Variants in FAM135B observed in about 807,000 individuals in gnomAD.
The protein encoded by FAM135B is protein FAM135B.
A neutral mutation model predicts 127.7 loss-of-function variants in FAM135B; 43 were observed. The observed-to-expected ratio is 0.34, with a 90% confidence interval of 0.26 to 0.43. The LOEUF (loss-of-function observed/expected upper bound fraction) is 0.43. FAM135B is among the 20% of genes least tolerant of loss of function. The pLI is 1.00. For missense variants in FAM135B, 1,558 were observed against 1,725.6 expected (o/e 0.90, Z 1.72); for synonymous variants, 670 against 665.1 (o/e 1.01, Z -0.11).
At chr8:138,420,853 A>G (rs1208939895) in intron 1 of FAM135B, among the ~76,000 whole-genome samples, 1 of 152,228 alleles carries the variant, frequency 6.6e-6, no homozygotes, top group Non-Finnish European at 1.5e-5. Context: ...CAAAATAACA[A>G]GAGATGTCTA....
At chr8:138,157,592 A>G (rs924553202) in intron 12 of FAM135B, among the ~76,000 whole-genome samples, 2 of 152,236 alleles carry the variant, frequency 1.3e-5, no homozygotes, top group African/African-American at 4.8e-5. Context: ...AAGCACCTTC[A>G]GCAAAGTCTC....
chr8:138,368,136 C>G, intron 1 of FAM135B, 134 bp from the exon 2 acceptor site: 1 of 633,780 alleles, frequency 1.6e-6, no homozygotes, highest in Non-Finnish European at 2.8e-6. Flanking sequence ...CGTCACCACT[C>G]AGGGTTCCTT....
intron 1 of FAM135B, among the ~76,000 whole-genome samples, chr8:138,487,105 C>A (rs146237613): frequency 2.5e-4 from 38 of 152,272 alleles, no homozygotes; most frequent in Non-Finnish European, 4.6e-4. Context: ...CTAATCAGAA[C>A]TTGGATTCAA....
chr8:138,190,648 AATT>A (rs1816035831), intron 9 of FAM135B, among the ~76,000 whole-genome samples: 1 of 152,104 alleles, frequency 6.6e-6, no homozygotes, highest in Non-Finnish European at 1.5e-5. Context: ...TGTGGAAGAG[AATT>A]AACTAAGAGT....
chr8:138,304,131 T>A (rs760230809), intron 3 of FAM135B, among the ~76,000 whole-genome samples: 10 of 151,554 alleles, frequency 6.6e-5, no homozygotes, highest in South Asian at 2.1e-4. Context: ...ATTTCAGAGG[T>A]CCTGAGAAGG....
chr8:138,416,999 AT>A (rs930059541), intron 1 of FAM135B, among the ~76,000 whole-genome samples: 2 of 152,314 alleles, frequency 1.3e-5, no homozygotes, highest in African/African-American at 4.8e-5. Flanking sequence ...CCCGATGGAC[AT>A]TTAAGCTGGC....
intron 2 of FAM135B, among the ~76,000 whole-genome samples, chr8:138,343,591 C>T (rs1829201138): frequency 6.6e-6 from 1 of 152,224 alleles, no homozygotes; most frequent in African/African-American, 2.4e-5. Context: ...TCATACCCTG[C>T]TTTCACCGCC....
At chr8:138,352,104 G>A (rs570517637) in intron 2 of FAM135B, among the ~76,000 whole-genome samples, 1 of 152,154 alleles carries the variant, frequency 6.6e-6, no homozygotes, top group Non-Finnish European at 1.5e-5. Flanking sequence ...CCACATGAAG[G>A]CTGACTGATT....
intron 1 of FAM135B, among the ~76,000 whole-genome samples, chr8:138,385,774 T>C (rs1016116243): frequency 1.3e-5 from 2 of 151,900 alleles, no homozygotes; most frequent in African/African-American, 4.8e-5. Context: ...ATGGCACCAG[T>C]GCACACCAGT....
intron 9 of FAM135B, among the ~76,000 whole-genome samples, chr8:138,193,286 T>G (rs1168205523): frequency 6.6e-6 from 1 of 152,192 alleles, no homozygotes; most frequent in Non-Finnish European, 1.5e-5. Flanking sequence ...TGACAAGCAC[T>G]TAGAACTGTG....
At chr8:138,228,859 T>C (rs112972122) in intron 7 of FAM135B, among the ~76,000 whole-genome samples, 1,942 of 152,296 alleles carry the variant, frequency 0.013, 38 homozygotes, top group African/African-American at 0.043. Flanking sequence ...GGCTGCAGCA[T>C]CTGTTCTTCC....
At position 138,153,149 on chromosome 8, in the gene FAM135B, T is replaced by C. The variant is rs566822213; in HGVS notation, c.1326A>G (p.Lys442=). 2.5e-6 allele frequency: 4 copies of C among 1,610,968 alleles called. No homozygotes were observed. The African/African-American group carries it at 5.3e-5, about 21-fold the overall frequency. ...PVTSPTIMNL[K]DKEDNCMVNS... The stretch of plus-strand genomic sequence containing the variant: ...TTACCATACAGTTATCTTCCTTGTC[T>C]TTCAGATTCATTATTGTAGGACTTG... The change falls in exon 13 of 20, where the codon AAA becomes AAG. Residue 442 remains lysine, a synonymous_variant. Coordinates refer to ENST00000395297, the MANE Select transcript of FAM135B (RefSeq NM_015912.4).
intron 1 of FAM135B, among the ~76,000 whole-genome samples, chr8:138,412,399 C>T (rs1833917304): frequency 6.6e-6 from 1 of 152,178 alleles, no homozygotes; most frequent in Non-Finnish European, 1.5e-5. Context: ...TTGTTTCAAG[C>T]TGCTAACCTT....
chr8:138,262,197 G>A (rs1265015106), intron 4 of FAM135B, among the ~76,000 whole-genome samples: 1 of 152,198 alleles, frequency 6.6e-6, no homozygotes, highest in African/African-American at 2.4e-5. Context: ...TGAGGGTTGG[G>A]AAGGTCAAAC....
chr8:138,193,844 TCTCAGGTCC>T (rs1461441878), intron 9 of FAM135B, among the ~76,000 whole-genome samples: 1 of 152,164 alleles, frequency 6.6e-6, no homozygotes, highest in East Asian at 1.9e-4. Context: ...GAGCCCATTG[TCTCAGGTCC>T]CACAGCTGCT....
chr8:138,147,281 A>G (rs1227546996), intron 14 of FAM135B, among the ~76,000 whole-genome samples: 4 of 62,508 alleles, frequency 6.4e-5, no homozygotes, highest in African/African-American at 1.8e-4. Flanking sequence ...CTGCCTTAGG[A>G]AAAAAAAAAA....
At chr8:138,235,473 G>A (rs1424829123) in intron 7 of FAM135B, among the ~76,000 whole-genome samples, 3 of 152,196 alleles carry the variant, frequency 2.0e-5, no homozygotes, top group East Asian at 3.9e-4. Context: ...TGTGTCTTAC[G>A]TATGTGACTA....
Position 138,152,185 on chromosome 8 carries a change from G to T in FAM135B, c.2290C>A (p.Leu764Ile), listed in dbSNP as rs1336721278. Residue 764 changes from leucine (L) to isoleucine (I), a missense_variant, in exon 13 of 20, where the codon CTC (leucine) becomes ATC (isoleucine). By Grantham distance (5) the Leu-to-Ile change is conservative. Around this residue, in one of 5 missense-constraint regions of FAM135B, gnomAD observed 923 missense variants for 865.3 expected, o/e 1.07. Transcript: ENST00000395297. Reference protein sequence around the residue: ...PFEEDEREVALTKLTKSVSAP... With the variant: ...PFEEDEREVAITKLTKSVSAP... Reference sequence around the variant, plus strand: ...GATACAGACTTGGTTAACTTAGTGAGTGCCACCTCCCGCTCATCCTCCTCA... The same window carrying T: ...GATACAGACTTGGTTAACTTAGTGATTGCCACCTCCCGCTCATCCTCCTCA... 6.2e-7 allele frequency: 1 copy of T among 1,613,944 alleles called. No individual in the cohort carries two copies. Among genetic ancestry groups the T allele is most frequent in the African/African-American group, 1.3e-5 (1 of 74,896 alleles).
chr8:138,304,063 A>T (rs1171798226), intron 3 of FAM135B, among the ~76,000 whole-genome samples: 1 of 152,146 alleles, frequency 6.6e-6, no homozygotes, highest in African/African-American at 2.4e-5. Flanking sequence ...TGTCAGTGAG[A>T]CCCAGATGGG....
Sources: gnomAD v4.1 joint callset for allele counts (sites outside exome capture counted in the v4.1 genomes callset) on GRCh38, gnomAD v4.1.1 for gene constraint, gnomAD v4.1.1 regional missense constraint, MANE v1.5 for transcripts, NCBI Gene and HGNC (gene_info 2026-07-23, HGNC 2026-07-21) for gene names.